Variants in TMEM132C observed in about 807,000 individuals in gnomAD.
The protein encoded by TMEM132C is transmembrane protein 132C, also known as protein phosphatase 1, regulatory subunit 152.
Under a neutral mutation model 61.4 loss-of-function variants are expected in TMEM132C, and 29 were observed. The ratio of observed to expected loss-of-function variants is 0.47; its 90% CI spans 0.35 to 0.64. The LOEUF (loss-of-function observed/expected upper bound fraction) is 0.64, where lower values mean the gene tolerates loss of function less well. Ranked by LOEUF, TMEM132C falls within the 30% of genes least tolerant of loss-of-function variation. The pLI, the probability that TMEM132C is intolerant of heterozygous loss-of-function variation, is 0.00. For missense variants in TMEM132C, 1,408 were observed against 1,476.9 expected (o/e 0.95, Z 0.76); for synonymous variants, 656 against 633.1 (o/e 1.04, Z -0.54).
chr12:128,397,122 G>T (rs1338462199), intron 1 of TMEM132C, among the ~76,000 whole-genome samples: 1 of 152,110 alleles, frequency 6.6e-6, no homozygotes, highest in Non-Finnish European at 1.5e-5. Context: ...AGCCTCACTG[G>T]CCCCAGGGTG....
At chr12:128,652,494 T>A (rs1288440986) in intron 4 of TMEM132C, among the ~76,000 whole-genome samples, 1 of 152,206 alleles carries the variant, frequency 6.6e-6, no homozygotes, top group Admixed American at 6.5e-5. Context: ...AAGCTATAAT[T>A]AATGAGACAC....
At chr12:128,510,580 A>G (rs1439232620) in intron 2 of TMEM132C, among the ~76,000 whole-genome samples, 1 of 151,864 alleles carries the variant, frequency 6.6e-6, no homozygotes. Context: ...CTCTCCTCAC[A>G]TTTTCTGCAT....
intron 1 of TMEM132C, among the ~76,000 whole-genome samples, chr12:128,370,911 G>C (rs1874009747): frequency 6.6e-6 from 1 of 152,126 alleles, no homozygotes; most frequent in African/African-American, 2.4e-5. Flanking sequence ...CCCAGACATT[G>C]TTCTAAGGAC....
rs541731814 is a variant in TMEM132C at position 128,528,735 on chromosome 12, A to G, written c.975-15222A>G. Among the ~76,000 whole-genome samples the G allele has an allele frequency of 2.6e-5, 4 of 152,334 alleles. No individual in the cohort carries two copies. The East Asian group carries it at 7.7e-4, about 29-fold the overall frequency. ...ACTCATGATAACCAAAAATGCCTCCAGACATTGCTCAGTGTCCCCTGGAGC... is the reference window on the plus strand; with the variant it reads ...ACTCATGATAACCAAAAATGCCTCCGGACATTGCTCAGTGTCCCCTGGAGC... On this transcript the variant is annotated intron_variant, in intron 2 of 8. Transcript: ENST00000435159.
chr12:128,269,764 G>T (rs112050059), intron 1 of TMEM132C, among the ~76,000 whole-genome samples: 2 of 151,496 alleles, frequency 1.3e-5, no homozygotes, highest in Non-Finnish European at 2.9e-5. Flanking sequence ...CGTTTGCACC[G>T]TAAGATATCT....
At chr12:128,301,277 G>T (rs184913020) in intron 1 of TMEM132C, among the ~76,000 whole-genome samples, 40 of 152,258 alleles carry the variant, frequency 2.6e-4, no homozygotes, top group African/African-American at 9.4e-4. Flanking sequence ...GCAAGTTATT[G>T]TTGCCTCATC....
chr12:128,579,760 A>G (rs1194910106), intron 3 of TMEM132C, among the ~76,000 whole-genome samples: 1 of 152,176 alleles, frequency 6.6e-6, no homozygotes, highest in Non-Finnish European at 1.5e-5. Flanking sequence ...AAGAATGATT[A>G]ACTGAGTCCC....
chr12:128,544,042 G>T lies in TMEM132C; in HGVS notation c.1060G>T (p.Gly354Cys). The T allele has an allele frequency of 6.5e-7, 1 of 1,547,806 alleles. No homozygotes were observed. Among genetic ancestry groups the T allele is most frequent in the Non-Finnish European group, 8.7e-7 (1 of 1,145,248 alleles). The change falls in exon 3 of 9, where the codon GGC (glycine) becomes TGC (cysteine). Residue 354 changes from glycine to cysteine, a missense_variant. Physicochemically the swap from Gly to Cys is radical, Grantham distance 159. Transcript: ENST00000435159. ...QWGVKQEVGS[G>C]GKHVTATVAC... ...GGGCGTCAAGCAGGAGGTGGGCAGCGGCGGAAAGCACGTGACGGCCACCGT... is the reference window on the plus strand; with the variant it reads ...GGGCGTCAAGCAGGAGGTGGGCAGCTGCGGAAAGCACGTGACGGCCACCGT...
intron 5 of TMEM132C, among the ~76,000 whole-genome samples, chr12:128,672,013 A>G (rs1271839854): frequency 6.6e-6 from 1 of 152,234 alleles, no homozygotes; most frequent in Non-Finnish European, 1.5e-5. Context: ...CCACATTCAA[A>G]AAAAGTTTTA....
At chr12:128,704,981 T>C (rs1269840816) in intron 8 of TMEM132C, 109 bp from the exon 9 acceptor site, 8 of 1,228,114 alleles carry the variant, frequency 6.5e-6, no homozygotes, top group Non-Finnish European at 8.8e-6. Flanking sequence ...AGCTACTGGG[T>C]CTGGATTTGA....
intron 5 of TMEM132C, among the ~76,000 whole-genome samples, chr12:128,681,480 G>C (rs1566013391): frequency 6.6e-6 from 1 of 152,072 alleles, no homozygotes; most frequent in African/African-American, 2.4e-5. Flanking sequence ...TATCTGAACT[G>C]TAAGAGATTT....
At chr12:128,540,711 G>T (rs1053738508) in intron 2 of TMEM132C, among the ~76,000 whole-genome samples, 3 of 152,130 alleles carry the variant, frequency 2.0e-5, no homozygotes, top group African/African-American at 7.2e-5. Context: ...CAATACAGAG[G>T]ACTCCTGTGG....
intron 5 of TMEM132C, among the ~76,000 whole-genome samples, chr12:128,691,379 G>A (rs953613101): frequency 6.6e-6 from 1 of 152,234 alleles, no homozygotes; most frequent in Non-Finnish European, 1.5e-5. Context: ...CTGTCCTGAA[G>A]CAGGCATCCC....
chr12:128,319,187 G>GC (rs1231986469), intron 1 of TMEM132C, among the ~76,000 whole-genome samples: 1 of 152,208 alleles, frequency 6.6e-6, no homozygotes, highest in Non-Finnish European at 1.5e-5. Flanking sequence ...CCCTGTGGTT[G>GC]CCCTAATAGA....
At chr12:128,626,166 A>G (rs2135590932) in intron 4 of TMEM132C, among the ~76,000 whole-genome samples, 1 of 148,432 alleles carries the variant, frequency 6.7e-6, no homozygotes, top group East Asian at 2.0e-4. Flanking sequence ...TCGCTCTGTT[A>G]CCCAGGCTGG....
At chr12:128,485,782 T>C (rs1418491881) in intron 2 of TMEM132C, among the ~76,000 whole-genome samples, 1 of 152,206 alleles carries the variant, frequency 6.6e-6, no homozygotes, top group South Asian at 2.1e-4. Context: ...CGGATTGCTC[T>C]TCCCCCTTCC....
chr12:128,523,036 G>A (rs539852588), intron 2 of TMEM132C, among the ~76,000 whole-genome samples: 4 of 152,224 alleles, frequency 2.6e-5, no homozygotes, highest in South Asian at 2.1e-4. Context: ...ATGGATAAGC[G>A]GAATGGGGTA....
intron 3 of TMEM132C, among the ~76,000 whole-genome samples, chr12:128,576,072 T>C (rs1005648783): frequency 6.6e-6 from 1 of 152,066 alleles, no homozygotes; most frequent in Non-Finnish European, 1.5e-5. Flanking sequence ...CTGGCCAACA[T>C]GGTGAACCCT....
intron 1 of TMEM132C, among the ~76,000 whole-genome samples, chr12:128,394,889 A>G (rs1874888476): frequency 7.5e-6 from 1 of 132,754 alleles, no homozygotes; most frequent in Non-Finnish European, 1.6e-5. Context: ...ATGTGTGAGT[A>G]CACTCTCCCT....
Sources: allele counts gnomAD v4.1 joint callset (sites outside exome capture counted in the v4.1 genomes callset), GRCh38; gene constraint gnomAD v4.1.1; transcripts MANE v1.5; gene names NCBI Gene and HGNC (gene_info 2026-07-23, HGNC 2026-07-21).